The following ISLR2 variants were observed in gnomAD, a reference collection of about 807,000 sequenced individuals.
ISLR2 encodes the protein immunoglobulin superfamily containing leucine rich repeat 2.
A neutral mutation model predicts 25.5 loss-of-function variants in ISLR2; 16 were observed. That is an observed-to-expected ratio of 0.63 (90% CI 0.43 to 0.95). The LOEUF (loss-of-function observed/expected upper bound fraction) is 0.95, where lower values mean the gene tolerates loss of function less well. Ranked by LOEUF, ISLR2 falls within the 40% of genes least tolerant of loss-of-function variation. ISLR2 has a pLI of 0.00. For synonymous variants in ISLR2, 508 were observed against 486.6 expected, an observed-to-expected ratio of 1.04 and a Z score of -0.58; for missense variants, 883 against 1,030.7, an observed-to-expected ratio of 0.86 and a Z score of 1.96.
chr15:74,108,857 C>T (rs1255078743), intron 2 of ISLR2, among the ~76,000 whole-genome samples: 1 of 152,032 alleles, frequency 6.6e-6, no homozygotes, highest in African/African-American at 2.4e-5. Flanking sequence ...TGGGTACGGA[C>T]GTGGAGGCCA....
At chr15:74,118,819 G>A (rs1270596107) in intron 2 of ISLR2, among the ~76,000 whole-genome samples, 13 of 151,922 alleles carry the variant, frequency 8.6e-5, no homozygotes, top group East Asian at 3.9e-4. Context: ...TACCATGCCC[G>A]GCTAATTTTT....
At chr15:74,116,790 G>A (rs2072214550) in intron 2 of ISLR2, among the ~76,000 whole-genome samples, 1 of 152,188 alleles carries the variant, frequency 6.6e-6, no homozygotes, top group Admixed American at 6.5e-5. Context: ...CACAGTTGAG[G>A]GAGGTGATAA....
At chr15:74,112,154 A>G (rs963394480) in intron 2 of ISLR2, among the ~76,000 whole-genome samples, 2 of 152,216 alleles carry the variant, frequency 1.3e-5, no homozygotes, top group African/African-American at 4.8e-5. Flanking sequence ...AGGTCTGGAA[A>G]AACCTTTGAC....
chr15:74,116,332 G>A (rs1465907432), intron 2 of ISLR2, among the ~76,000 whole-genome samples: 1 of 151,866 alleles, frequency 6.6e-6, no homozygotes, highest in Non-Finnish European at 1.5e-5. Flanking sequence ...GGGAGGCCAA[G>A]GCAGGAGGAT....
At chr15:74,106,567 T>C (rs537604799) in intron 2 of ISLR2, among the ~76,000 whole-genome samples, 64 of 152,186 alleles carry the variant, frequency 4.2e-4, no homozygotes, top group East Asian at 1.9e-4. Context: ...AGTTCAGTCT[T>C]GGGGGTCTCC....
downstream of ISLR2, chr15:74,138,288 C>CTTTTTTTTTTTTTT (rs34518777): frequency 2.2e-5 from 2 of 91,672 alleles, no homozygotes; most frequent in Admixed American, 1.2e-4. Flanking sequence ...TTTCTTTTCT[C>CTTTTTTTTTTTTTT]TTTTTTTTTT....
chr15:74,108,814 G>T (rs1490656955), intron 2 of ISLR2, among the ~76,000 whole-genome samples: 1 of 152,210 alleles, frequency 6.6e-6, no homozygotes, highest in Non-Finnish European at 1.5e-5. Context: ...AGGGCTGGAT[G>T]CAATGTAGGG....
chr15:74,114,577 G>A (rs182196912), intron 2 of ISLR2, among the ~76,000 whole-genome samples: 470 of 151,640 alleles, frequency 3.1e-3, no homozygotes, highest in Non-Finnish European at 5.0e-3. Flanking sequence ...GAGCCGAGAT[G>A]GCGCCACTTG....
At chr15:74,116,595 C>T (rs2141933733) in intron 2 of ISLR2, among the ~76,000 whole-genome samples, 1 of 152,254 alleles carries the variant, frequency 6.6e-6, no homozygotes, top group East Asian at 1.9e-4. Flanking sequence ...AGACCACTGA[C>T]ATAATAAATA....
rs774816800 is a variant in ISLR2 at position 74,132,928 on chromosome 15, G to C, written c.174G>C (p.Leu58=). The C allele has an allele frequency of 6.2e-7, 1 of 1,614,080 alleles. No individual in the cohort carries two copies. ...GLPANVTTLS[L]SANKITVLRR... ...CTGCCAACGTGACGACGCTTAGTCTGTCCGCGAACAAGATCACTGTGCTGC... is the reference window on the plus strand; with the variant it reads ...CTGCCAACGTGACGACGCTTAGTCTCTCCGCGAACAAGATCACTGTGCTGC... The change falls in exon 3 of 3, where the codon CTG becomes CTC. Residue 58 remains leucine (L), a synonymous_variant. Coordinates refer to ENST00000453268, the MANE Select transcript of ISLR2 (RefSeq NM_020851.3). This position sits in a 1 kb window ranked among gnomAD's most constrained non-coding sequence, Gnocchi z 4.3.
rs1274691832 is a variant in ISLR2 at position 74,132,248 on chromosome 15, G to A, written c.-8-499G>A. Among the ~76,000 whole-genome samples the A allele has an allele frequency of 6.6e-6, 1 of 152,182 alleles. No homozygotes were observed. Among genetic ancestry groups the A allele is most frequent in the East Asian group, 1.9e-4 (1 of 5,200 alleles). ...CTCTAAACCCCTGCAGAAGTTGGCG[G>A]TTTGATTATGAAGCCCCGCGTCTGT... On this transcript the variant is annotated intron_variant, in intron 2 of 2. Transcript: ENST00000453268. This position sits in a 1 kb window ranked among gnomAD's most constrained non-coding sequence, Gnocchi z 4.3.
At chr15:74,118,056 A>G (rs977549803) in intron 2 of ISLR2, among the ~76,000 whole-genome samples, 4 of 152,240 alleles carry the variant, frequency 2.6e-5, no homozygotes, top group African/African-American at 9.6e-5. Context: ...TCAGCCAGAT[A>G]TCAGGCAAAA....
chr15:74,125,202 TG>T (rs1391297362), upstream of ISLR2, among the ~76,000 whole-genome samples: 1 of 151,910 alleles, frequency 6.6e-6, no homozygotes, highest in Non-Finnish European at 1.5e-5. Context: ...CCCCCTTACT[TG>T]TTTTTTGGTG....
chr15:74,122,169 C>T (rs1026209546), intron 2 of ISLR2, among the ~76,000 whole-genome samples: 2 of 152,256 alleles, frequency 1.3e-5, no homozygotes, highest in Non-Finnish European at 2.9e-5. Flanking sequence ...GGGGACATTT[C>T]CCATTCCCAA....
At chr15:74,102,031 A>G (rs926036520) in intron 1 of ISLR2, among the ~76,000 whole-genome samples, 27 of 149,974 alleles carry the variant, frequency 1.8e-4, no homozygotes, top group South Asian at 2.1e-4. Context: ...TGTGGCCAAC[A>G]TGGCAAAACC....
chr15:74,121,437 G>A (rs146031211), intron 2 of ISLR2, among the ~76,000 whole-genome samples: 2,218 of 152,182 alleles, frequency 0.015, 32 homozygotes, highest in Non-Finnish European at 0.023. Context: ...CACAGAAGAG[G>A]ACAGCACCTG....
Position 74,108,709 on chromosome 15 carries a change from C to G in ISLR2, n.228+4795C>G, listed in dbSNP as rs58518065. 7.5e-3 allele frequency among the ~76,000 whole-genome samples: 1,142 copies of G among 152,352 alleles called. 9 individuals carry two copies. Among genetic ancestry groups the G allele is most frequent in the African/African-American group, 0.025 (1,057 of 41,570 alleles). On this transcript the variant is annotated intron_variant and non_coding_transcript_variant, in intron 2 of 3. Transcript: ENST00000561975. Reference sequence around the variant, plus strand: ...CTGTACCAGGCCAGGGGTAATGGGTCAAGCGGAACACATGTCCCAAGGAGT... The same window carrying G: ...CTGTACCAGGCCAGGGGTAATGGGTGAAGCGGAACACATGTCCCAAGGAGT...
Position 74,134,292 on chromosome 15 carries a change from C to A in ISLR2, c.1538C>A (p.Pro513His), listed in dbSNP as rs1162981664. ...TPLAARWGPG[P>H]GGAGGAPRPG... ...CTGGCTGCGCGCTGGGGCCCTGGGCCCGGCGGGGCTGGCGGAGCCCCGCGA... is the reference window on the plus strand; with the variant it reads ...CTGGCTGCGCGCTGGGGCCCTGGGCACGGCGGGGCTGGCGGAGCCCCGCGA... The change falls in exon 3 of 3, where the codon CCC (proline) becomes CAC (histidine). Residue 513 changes from proline to histidine, a missense_variant. By Grantham distance (77) the Pro-to-His change is moderately conservative (BLOSUM62 -2). This residue lies in a region of ISLR2 where 612 missense variants were observed against 642.8 expected (regional missense o/e 0.95). Coordinates refer to ENST00000453268, the MANE Select transcript of ISLR2 (RefSeq NM_020851.3). The A allele has an allele frequency of 6.5e-7, 1 of 1,540,714 alleles. No individual in the cohort carries two copies. Among genetic ancestry groups the A allele is most frequent in the Non-Finnish European group, 8.7e-7 (1 of 1,143,962 alleles).
intron 2 of ISLR2, among the ~76,000 whole-genome samples, chr15:74,120,260 G>A (rs920752887): frequency 3.9e-5 from 6 of 152,122 alleles, no homozygotes; most frequent in African/African-American, 1.2e-4. Flanking sequence ...TGATGGATAC[G>A]ATGCCAGGCA....
Sources: gnomAD v4.1 joint callset for allele counts (sites outside exome capture counted in the v4.1 genomes callset) on GRCh38, gnomAD v4.1.1 for gene constraint, gnomAD v4.1.1 regional missense constraint, Gnocchi (gnomAD v3.1) non-coding constraint, MANE v1.5 for transcripts, NCBI Gene and HGNC (gene_info 2026-07-23, HGNC 2026-07-21) for gene names.